Variants in RMND1 observed in about 807,000 individuals in gnomAD.
RMND1 encodes required for meiotic nuclear division protein 1 homolog.
A neutral mutation model predicts 54.0 loss-of-function variants in RMND1; 41 were observed. The ratio of observed to expected loss-of-function variants is 0.76; its 90% CI spans 0.59 to 0.98. The LOEUF (loss-of-function observed/expected upper bound fraction) is 0.98. RMND1 is among the 50% of genes least tolerant of loss of function. The probability of loss-of-function intolerance (pLI) is 0.00; values close to 1 mark genes in which losing one functional copy is unlikely to be tolerated. For synonymous variants in RMND1, 183 were observed against 181.7 expected, an observed-to-expected ratio of 1.01 and a Z score of -0.06; for missense variants, 457 against 532.0, an observed-to-expected ratio of 0.86 and a Z score of 1.39.
chr6:151,431,403 T>G (rs925614886), intron 4 of RMND1, among the ~76,000 whole-genome samples: 3 of 152,136 alleles, frequency 2.0e-5, no homozygotes, highest in African/African-American at 7.2e-5. Context: ...CTGCTTACAA[T>G]AGACAAACAG....
chr6:151,449,235 G>A (rs781688782), intron 1 of RMND1, among the ~76,000 whole-genome samples: 3 of 151,894 alleles, frequency 2.0e-5, no homozygotes, highest in African/African-American at 4.8e-5. Context: ...TGAGCGTGGC[G>A]GCGGGTGCCT....
At chr6:151,448,380 C>T (rs1434934189) in intron 1 of RMND1, among the ~76,000 whole-genome samples, 8 of 138,854 alleles carry the variant, frequency 5.8e-5, no homozygotes, top group South Asian at 2.3e-4. Flanking sequence ...CATGACTTCA[C>T]TTCCTCCATA....
chr6:151,406,309 A>C (rs1462019173), intron 10 of RMND1, among the ~76,000 whole-genome samples: 1 of 152,134 alleles, frequency 6.6e-6, no homozygotes, highest in African/African-American at 2.4e-5. Flanking sequence ...GTGGGGGTTC[A>C]AAGAAAATAA....
rs980157762 is a variant in RMND1 at position 151,451,210 on chromosome 6, A to C, written c.-15+806T>G. ...CAAGAATGATCAATAAAAAAAAAAA[A>C]AAAAAAAAACACAACCAGCATCCAT... On this transcript the variant is annotated intron_variant, in intron 1 of 11. Transcript: ENST00000444024. 6.3e-4 allele frequency among the ~76,000 whole-genome samples: 96 copies of C among 151,780 alleles called. 1 individual carries two copies. Among genetic ancestry groups the C allele is most frequent in the African/African-American group, 2.1e-3 (89 of 41,438 alleles).
At position 151,407,570 on chromosome 6, in the gene RMND1, G is replaced by A. The variant is rs577067815; in HGVS notation, c.1201-1734C>T. ...TTATTAAGTCTAACAACTTAGCTTCGAACCTCAATCCAAGCATCTGACAAC... is the reference window on the plus strand; with the variant it reads ...TTATTAAGTCTAACAACTTAGCTTCAAACCTCAATCCAAGCATCTGACAAC... On this transcript the variant is annotated intron_variant, in intron 10 of 11. Transcript: ENST00000444024. 2.0e-5 allele frequency among the ~76,000 whole-genome samples: 3 copies of A among 152,042 alleles called. No homozygotes were observed. The East Asian group carries it at 5.8e-4, about 29-fold the overall frequency.
intron 1 of RMND1, 34 bp downstream of exon 1, chr6:151,451,982 A>T (rs1052256305): frequency 1.3e-5 from 2 of 154,358 alleles, no homozygotes; most frequent in Non-Finnish European, 2.9e-5. Flanking sequence ...AAGCCGGACC[A>T]CTCGAGCTGC....
chr6:151,430,060 T>C, intron 5 of RMND1, 78 bp downstream of exon 5: 4 of 866,640 alleles, frequency 4.6e-6, no homozygotes, highest in South Asian at 4.4e-5. Flanking sequence ...TCCCTTCTAA[T>C]GTTTCAGTAT....
intron 2 of RMND1, among the ~76,000 whole-genome samples, chr6:151,442,206 C>T (rs1392477659): frequency 2.0e-5 from 3 of 152,172 alleles, no homozygotes; most frequent in Admixed American, 6.5e-5. Flanking sequence ...ACCAAGATCA[C>T]GCTTTATCCT....
At chr6:151,415,604 C>T (rs1374253878) in intron 10 of RMND1, among the ~76,000 whole-genome samples, 3 of 151,868 alleles carry the variant, frequency 2.0e-5, no homozygotes, top group Non-Finnish European at 4.4e-5. Flanking sequence ...CCTGGCTAAA[C>T]ACAGTGAAAC....
chr6:151,436,068 G>A (rs1780596846), intron 3 of RMND1, among the ~76,000 whole-genome samples: 1 of 149,996 alleles, frequency 6.7e-6, no homozygotes, highest in Admixed American at 6.7e-5. Flanking sequence ...TCGCGCCATT[G>A]CACTCCAGCC....
chr6:151,441,935 G>C (rs1382835070), intron 2 of RMND1, among the ~76,000 whole-genome samples: 1 of 152,210 alleles, frequency 6.6e-6, no homozygotes, highest in Admixed American at 6.5e-5. Context: ...TGTCAACTGG[G>C]AGGGCAGTCT....
At chr6:151,446,912 A>AC (rs1780968796) in intron 1 of RMND1, among the ~76,000 whole-genome samples, 1 of 152,160 alleles carries the variant, frequency 6.6e-6, no homozygotes, top group African/African-American at 2.4e-5. Flanking sequence ...AAAAAAAAAA[A>AC]AAGTTAGACC....
intron 4 of RMND1, among the ~76,000 whole-genome samples, chr6:151,432,709 A>G (rs1780482361): frequency 6.6e-6 from 1 of 152,152 alleles, no homozygotes; most frequent in Non-Finnish European, 1.5e-5. Context: ...TGAGTCTCCT[A>G]GTCTAAAACC....
chr6:151,405,797 C>G lies in RMND1; in HGVS notation c.1240G>C (p.Asp414His), dbSNP rs1413332199. Residue 414 changes from aspartate to histidine, a missense_variant, in exon 11 of 12, where the codon GAT (aspartate) becomes CAT (histidine). Physicochemically the swap from Asp to His is moderately conservative, Grantham distance 81. Coordinates refer to ENST00000444024, the MANE Select transcript of RMND1 (RefSeq NM_017909.4). ...EKLQHCMELT[D>H]LMRNHLNEKR... ...TCATTCAGGTGATTCCGCATTAGAT[C>G]TGTTAGTTCCATGCAGTGCTGAAGT... 1 of 1,612,212 alleles carries G rather than the reference C, an allele frequency of 6.2e-7. No homozygotes were observed. The highest frequency in any genetic ancestry group is 8.5e-7 in the Non-Finnish European group (1 of 1,178,438).
chr6:151,435,591 G>A (rs1325496561), intron 3 of RMND1, among the ~76,000 whole-genome samples: 5 of 150,012 alleles, frequency 3.3e-5, no homozygotes, highest in Non-Finnish European at 5.9e-5. Context: ...ATTATTATTT[G>A]TATTTTTAGT....
At chr6:151,407,816 A>C (rs1779679559) in intron 10 of RMND1, among the ~76,000 whole-genome samples, 1 of 152,044 alleles carries the variant, frequency 6.6e-6, no homozygotes, top group Non-Finnish European at 1.5e-5. Context: ...CTGAGGCAGG[A>C]GAATAGTGTG....
At chr6:151,429,821 C>A (rs1044230461) in intron 5 of RMND1, among the ~76,000 whole-genome samples, 4 of 152,206 alleles carry the variant, frequency 2.6e-5, no homozygotes, top group Admixed American at 2.6e-4. Context: ...ACACTCAATG[C>A]AACCAGCTTC....
At chr6:151,443,527 T>C (rs2114968687) in intron 2 of RMND1, among the ~76,000 whole-genome samples, 1 of 152,254 alleles carries the variant, frequency 6.6e-6, no homozygotes, top group East Asian at 1.9e-4. Flanking sequence ...GCTAGGCTGG[T>C]CTCGAACTCC....
At chr6:151,450,598 C>T (rs1351945717) in intron 1 of RMND1, among the ~76,000 whole-genome samples, 5 of 148,298 alleles carry the variant, frequency 3.4e-5, no homozygotes, top group Admixed American at 6.7e-5. Context: ...GCCCCCCGCC[C>T]GGCCAGCCGC....
Sources: gnomAD v4.1 joint callset for allele counts (sites outside exome capture counted in the v4.1 genomes callset) on GRCh38, gnomAD v4.1.1 for gene constraint, MANE v1.5 for transcripts, NCBI Gene and HGNC (gene_info 2026-07-23, HGNC 2026-07-21) for gene names.